CBFA2T3: variants seen among roughly 807,000 people sequenced by gnomAD.
The protein encoded by CBFA2T3 is CBFA2/RUNX1 partner transcriptional co-repressor 3, also known as transcriptional corepressor CBFA2T3.
CBFA2T3 carries 31 observed loss-of-function variants against 58.6 expected under a neutral mutation model. That is an observed-to-expected ratio of 0.53 (90% confidence interval 0.40 to 0.71). The LOEUF (loss-of-function observed/expected upper bound fraction) is 0.71, where lower values mean the gene tolerates loss of function less well. CBFA2T3 is among the 30% of genes least tolerant of loss of function. CBFA2T3 has a pLI of 0.00. For missense variants in CBFA2T3, 1,076 were observed against 963.1 expected (o/e 1.12, Z -1.55); for synonymous variants, 531 against 421.9 (o/e 1.26, Z -3.17).
chr16:88,962,959 AG>A (rs1234469644), intron 1 of CBFA2T3, among the ~76,000 whole-genome samples: 2 of 152,166 alleles, frequency 1.3e-5, no homozygotes, highest in Non-Finnish European at 2.9e-5. Flanking sequence ...AGGAGGGCAC[AG>A]GGCACGCCAC....
intron 10 of CBFA2T3, 84 bp downstream of exon 10, chr16:88,880,636 C>T: frequency 5.1e-6 from 6 of 1,170,186 alleles, no homozygotes; most frequent in Non-Finnish European, 6.2e-6. Flanking sequence ...GACAGAAGCT[C>T]TTCAAAGCTG....
chr16:88,899,317 G>A lies in CBFA2T3; in HGVS notation c.305-1165C>T, dbSNP rs562923372. ...GTGCGGCCAACCACCTGGCTTTCAC[G>A]GAATTGTGTGGATTAGGGGATAAAT... is the stretch of plus-strand genomic sequence containing the variant. On this transcript the variant is annotated intron_variant, in intron 2 of 11. Transcript: ENST00000268679. Among the ~76,000 whole-genome samples, 16 of 151,734 alleles carry A rather than the reference G, an allele frequency of 1.1e-4. No homozygotes were observed. In the East Asian group the frequency reaches 1.2e-3, roughly 11 times the overall value.
chr16:88,936,985 T>A (rs1971523417), intron 1 of CBFA2T3: 2 of 152,244 alleles, frequency 1.3e-5, no homozygotes, highest in Admixed American at 1.3e-4. Flanking sequence ...TTTCCACTGA[T>A]GCTACAAGGG....
chr16:88,956,108 A>G (rs1308480601), intron 1 of CBFA2T3, among the ~76,000 whole-genome samples: 6 of 152,244 alleles, frequency 3.9e-5, no homozygotes, highest in African/African-American at 1.4e-4. Flanking sequence ...GGCTTTGGGA[A>G]AGACTCAAAG....
chr16:88,967,326 C>T (rs766975034), intron 1 of CBFA2T3, among the ~76,000 whole-genome samples: 11 of 152,224 alleles, frequency 7.2e-5, no homozygotes, highest in Non-Finnish European at 1.3e-4. Context: ...AATGAGAATT[C>T]GATGCCTTTT....
chr16:88,877,127 G>A lies in CBFA2T3; in HGVS notation c.1811C>T (p.Ala604Val). The A allele has an allele frequency of 6.5e-7, 1 of 1,548,760 alleles. No homozygotes were observed. The highest frequency in any genetic ancestry group is 8.7e-7 in the Non-Finnish European group (1 of 1,146,748). ...QSLQGPTAVV[A>V]DPVPGPPEAA... The stretch of plus-strand genomic sequence containing the variant: ...TTCGGGCGGTCCAGGCACCGGGTCG[G>A]CCACCACGGCTGTGGGGCCCTGCAG... Residue 604 changes from alanine to valine, a missense_variant, in exon 12 of 12, where the codon GCC becomes GTC. Ala to Val is a moderately conservative substitution (Grantham distance 64). Coordinates refer to ENST00000268679, the MANE Select transcript of CBFA2T3 (RefSeq NM_005187.6).
intron 1 of CBFA2T3, among the ~76,000 whole-genome samples, chr16:88,947,694 G>T (rs570186149): frequency 6.6e-6 from 1 of 152,076 alleles, no homozygotes; most frequent in African/African-American, 2.4e-5. Flanking sequence ...AAGTAGTATC[G>T]CTTGAGCCCA....
At chr16:88,949,478 G>C (rs953067040) in intron 1 of CBFA2T3, among the ~76,000 whole-genome samples, 4 of 151,816 alleles carry the variant, frequency 2.6e-5, no homozygotes, top group African/African-American at 7.3e-5. Context: ...AGAATCACTT[G>C]AACCCGGGAG....
At chr16:88,954,418 A>AGCCAAGGCTCCTGACCCCG (rs1972161093) in intron 1 of CBFA2T3, among the ~76,000 whole-genome samples, 1 of 131,468 alleles carries the variant, frequency 7.6e-6, no homozygotes, top group African/African-American at 3.2e-5. Flanking sequence ...TCCTGACCCC[A>AGCCAAGGCTCCTGACCCCG]CCCAAGGCTC....
intron 1 of CBFA2T3, among the ~76,000 whole-genome samples, chr16:88,928,976 G>A (rs1357431115): frequency 1.3e-5 from 2 of 152,230 alleles, no homozygotes; most frequent in Non-Finnish European, 2.9e-5. Context: ...GTGGTGGAAG[G>A]GAGGGGAGTT....
intron 1 of CBFA2T3, among the ~76,000 whole-genome samples, chr16:88,908,258 C>T (rs1022354173): frequency 7.9e-5 from 12 of 152,042 alleles, no homozygotes; most frequent in African/African-American, 2.9e-4. Context: ...CGGAGAATTA[C>T]TTCAGCCTGG....
chr16:88,882,631 C>G, intron 8 of CBFA2T3, 45 bp downstream of exon 8: 1 of 1,268,818 alleles, frequency 7.9e-7, no homozygotes, highest in Non-Finnish European at 1.1e-6. Flanking sequence ...CGTGGCTGTG[C>G]GCCTGGGCAT....
intron 10 of CBFA2T3, 153 bp from the exon 11 acceptor site, chr16:88,879,613 G>A: frequency 1.5e-6 from 1 of 658,022 alleles, no homozygotes; most frequent in Non-Finnish European, 2.7e-6. Flanking sequence ...TGATGGGGCT[G>A]TAGGCAGCTG....
Position 88,976,767 on chromosome 16 carries a change from G to C in CBFA2T3, c.41C>G (p.Ala14Gly). Residue 14 changes from alanine (A) to glycine (G), a missense_variant, in exon 1 of 12, where the codon GCC (alanine) becomes GGC (glycine). Physicochemically the swap from Ala to Gly is moderately conservative, Grantham distance 60 (BLOSUM62 0). Coordinates refer to ENST00000268679, the MANE Select transcript of CBFA2T3 (RefSeq NM_005187.6). ...SRLRDRAASS[A>G]SGSTCGSMSQ... Reference sequence around the variant, plus strand: ...CATGGAGCCACAGGTGGATCCCGAGGCTGAACTGGCTGCCCTGTCCCTCAG... The same window carrying C: ...CATGGAGCCACAGGTGGATCCCGAGCCTGAACTGGCTGCCCTGTCCCTCAG... 1 of 1,556,396 alleles carries C rather than the reference G, an allele frequency of 6.4e-7. No individual in the cohort carries two copies. The highest frequency in any genetic ancestry group is 1.9e-5 in the Admixed American group (1 of 51,472).
intron 7 of CBFA2T3, 68 bp from the exon 8 acceptor site, chr16:88,882,829 C>G (rs1212836603): frequency 9.3e-7 from 1 of 1,075,292 alleles, no homozygotes; most frequent in South Asian, 1.3e-5. Context: ...CTCCCAGACC[C>G]CGCCCTCTGC....
intron 1 of CBFA2T3, among the ~76,000 whole-genome samples, chr16:88,947,113 A>G (rs1567628105): frequency 1.3e-5 from 2 of 152,248 alleles, no homozygotes; most frequent in African/African-American, 4.8e-5. Flanking sequence ...AGGTGTCAGT[A>G]TTGGTTCATC....
chr16:88,886,379 T>C (rs1052703815), intron 5 of CBFA2T3: 3 of 388,466 alleles, frequency 7.7e-6, no homozygotes, highest in South Asian at 9.1e-5. Context: ...CACACGGCGA[T>C]GTGGGGCATG....
intron 3 of CBFA2T3, among the ~76,000 whole-genome samples, chr16:88,897,817 G>A (rs1435438934): frequency 6.6e-6 from 1 of 152,242 alleles, no homozygotes; most frequent in Non-Finnish European, 1.5e-5. Flanking sequence ...TGCTGGGGAA[G>A]GAGAGCTCAG....
chr16:88,975,242 G>GT (rs1329959781), intron 1 of CBFA2T3, among the ~76,000 whole-genome samples: 2 of 132,774 alleles, frequency 1.5e-5, no homozygotes, highest in Admixed American at 7.2e-5. Flanking sequence ...CATGTCAGAG[G>GT]CCCGCCCTGA....
Sources: gnomAD v4.1 joint callset for allele counts (sites outside exome capture counted in the v4.1 genomes callset) on GRCh38, gnomAD v4.1.1 for gene constraint, MANE v1.5 for transcripts, NCBI Gene and HGNC (gene_info 2026-07-23, HGNC 2026-07-21) for gene names.